CWC27: variants seen among roughly 807,000 people sequenced by gnomAD.
CWC27 encodes spliceosome-associated protein CWC27 homolog.
In CWC27, 47 loss-of-function variants were observed where a neutral mutation model predicts 63.6. The observed-to-expected ratio is 0.74, with a 90% confidence interval of 0.58 to 0.94. The LOEUF is 0.94. CWC27 is among the 40% of genes least tolerant of loss of function. CWC27 has a pLI of 0.00. For synonymous variants in CWC27, 175 were observed against 179.8 expected (o/e 0.97, Z 0.22); for missense variants, 495 against 554.3 (o/e 0.89, Z 1.07).
intron 13 of CWC27, among the ~76,000 whole-genome samples, chr5:64,980,583 G>C (rs1238586977): frequency 6.6e-6 from 1 of 152,090 alleles, no homozygotes; most frequent in African/African-American, 2.4e-5. Flanking sequence ...TTAATTCTAA[G>C]ATTAACTTGA....
chr5:64,940,411 C>T (rs1381913356), intron 11 of CWC27, among the ~76,000 whole-genome samples: 4 of 152,184 alleles, frequency 2.6e-5, no homozygotes, highest in African/African-American at 7.2e-5. Flanking sequence ...CAGCGCCCCA[C>T]CCTGTTTCGG....
At chr5:64,981,846 GC>G (rs1269035306) in intron 13 of CWC27, among the ~76,000 whole-genome samples, 30 of 152,322 alleles carry the variant, frequency 2.0e-4, no homozygotes, top group African/African-American at 6.0e-4. Context: ...CTTCTTAGGA[GC>G]CTTATCTCCA....
chr5:64,892,909 G>A (rs138069195), intron 11 of CWC27, among the ~76,000 whole-genome samples: 30 of 152,110 alleles, frequency 2.0e-4, no homozygotes, highest in Non-Finnish European at 3.7e-4. Flanking sequence ...CTGAGCTCAT[G>A]TTGTAGTCTG....
chr5:64,826,703 GT>G (rs796870037), intron 10 of CWC27, among the ~76,000 whole-genome samples: 4,098 of 141,936 alleles, frequency 0.029, 140 homozygotes, highest in African/African-American at 0.087. Context: ...GTGTTTTTTT[GT>G]TTTTTTTTTT....
intron 13 of CWC27, among the ~76,000 whole-genome samples, chr5:64,990,175 T>C (rs1749507461): frequency 6.6e-6 from 1 of 152,032 alleles, no homozygotes; most frequent in African/African-American, 2.4e-5. Flanking sequence ...TGGAGAGTAA[T>C]ATTTTCACTA....
chr5:64,857,953 C>A (rs1411687534), intron 10 of CWC27, among the ~76,000 whole-genome samples: 1 of 147,002 alleles, frequency 6.8e-6, no homozygotes, highest in Non-Finnish European at 1.5e-5. Flanking sequence ...CTGGCTAACA[C>A]GGTGAAACCC....
intron 3 of CWC27, among the ~76,000 whole-genome samples, chr5:64,782,495 G>A (rs1030436037): frequency 1.2e-5 from 1 of 83,356 alleles, no homozygotes; most frequent in African/African-American, 3.9e-5. Flanking sequence ...GTCTGTAAAA[G>A]ATGCATTAAT....
intron 13 of CWC27, among the ~76,000 whole-genome samples, chr5:65,013,292 G>A (rs1749994294): frequency 6.6e-6 from 1 of 152,206 alleles, no homozygotes; most frequent in South Asian, 2.1e-4. Flanking sequence ...GTTTTAGGGA[G>A]TTTATCATCA....
intron 10 of CWC27, among the ~76,000 whole-genome samples, chr5:64,821,070 A>G (rs1197724808): frequency 1.3e-5 from 2 of 150,456 alleles, no homozygotes; most frequent in Non-Finnish European, 2.9e-5. Context: ...AAATTCAACT[A>G]TAAGAAAACA....
chr5:64,788,753 G>A (rs961004461), intron 6 of CWC27, among the ~76,000 whole-genome samples, 198 bp from the exon 7 acceptor site: 4 of 151,954 alleles, frequency 2.6e-5, no homozygotes, highest in African/African-American at 9.7e-5. Context: ...GTGCTGTGAG[G>A]CAAAAGCTTT....
chr5:64,942,961 A>C (rs1362102436), intron 11 of CWC27, among the ~76,000 whole-genome samples: 2 of 152,256 alleles, frequency 1.3e-5, no homozygotes, highest in African/African-American at 4.8e-5. Context: ...AGAAAAAGAT[A>C]ATGATATCTG....
At chr5:64,982,537 C>G (rs1749347688) in intron 13 of CWC27, among the ~76,000 whole-genome samples, 1 of 151,560 alleles carries the variant, frequency 6.6e-6, no homozygotes, top group South Asian at 2.1e-4. Flanking sequence ...CCAGGCTGAT[C>G]TCGAACTCCT....
intron 11 of CWC27, among the ~76,000 whole-genome samples, chr5:64,909,672 T>C (rs1330165188): frequency 2.0e-5 from 3 of 152,202 alleles, no homozygotes; most frequent in Non-Finnish European, 4.4e-5. Flanking sequence ...CTTCTCACTT[T>C]ATTTCATTAA....
intron 11 of CWC27, among the ~76,000 whole-genome samples, chr5:64,934,719 ACAG>A (rs1438015703): frequency 6.6e-6 from 1 of 152,194 alleles, no homozygotes; most frequent in Non-Finnish European, 1.5e-5. Flanking sequence ...ACTCCCACCA[ACAG>A]TGTAAAAGCA....
At chr5:64,893,854 G>A (rs1747301639) in intron 11 of CWC27, among the ~76,000 whole-genome samples, 1 of 151,876 alleles carries the variant, frequency 6.6e-6, no homozygotes, top group Non-Finnish European at 1.5e-5. Flanking sequence ...CTCTGATCTT[G>A]CGTGTGCTCT....
chr5:64,981,807 A>G (rs1028494948), intron 13 of CWC27, among the ~76,000 whole-genome samples: 1 of 152,232 alleles, frequency 6.6e-6, no homozygotes, highest in African/African-American at 2.4e-5. Flanking sequence ...TGTTTTTCAT[A>G]AAACTATACA....
intron 11 of CWC27, among the ~76,000 whole-genome samples, chr5:64,933,240 T>A (rs992134376): frequency 2.6e-5 from 4 of 152,176 alleles, no homozygotes; most frequent in African/African-American, 4.8e-5. Flanking sequence ...GTCTTATAAA[T>A]TAGCTGATCA....
chr5:64,780,610 ATTTAT>A (rs1382336519), intron 2 of CWC27, among the ~76,000 whole-genome samples: 2 of 148,210 alleles, frequency 1.3e-5, no homozygotes, highest in Admixed American at 1.4e-4. Context: ...ATTATATATT[ATTTAT>A]GTGAACTATA....
At chr5:64,794,831 A>G (rs1373054194) in intron 7 of CWC27, among the ~76,000 whole-genome samples, 3 of 152,170 alleles carry the variant, frequency 2.0e-5, no homozygotes, top group African/African-American at 7.2e-5. Flanking sequence ...TAACTGAAAT[A>G]TAAATGTCAG....
Sources: allele counts gnomAD v4.1 joint callset (sites outside exome capture counted in the v4.1 genomes callset), GRCh38; gene constraint gnomAD v4.1.1; transcripts MANE v1.5; gene names NCBI Gene and HGNC (gene_info 2026-07-23, HGNC 2026-07-21).